SOX6: variants seen among roughly 807,000 people sequenced by gnomAD.
SOX6 encodes transcription factor SOX-6.
SOX6 carries 11 observed loss-of-function variants against 97.8 expected under a neutral mutation model. The ratio of observed to expected loss-of-function variants is 0.11; its 90% confidence interval spans 0.07 to 0.19. The LOEUF (loss-of-function observed/expected upper bound fraction) is 0.19. Ranked by LOEUF, SOX6 falls within the 10% of genes least tolerant of loss-of-function variation. The probability of loss-of-function intolerance (pLI) is 1.00; values close to 1 mark genes in which losing one functional copy is unlikely to be tolerated. For missense variants in SOX6, 810 were observed against 1,039.5 expected (o/e 0.78, Z 3.04); for synonymous variants, 360 against 371.4 (o/e 0.97, Z 0.35).
intron 6 of SOX6, among the ~76,000 whole-genome samples, chr11:16,163,263 T>C (rs1850801204): frequency 6.6e-6 from 1 of 152,174 alleles, no homozygotes. Context: ...TGGGTAGTGA[T>C]GTGAAATGAA....
intron 1 of SOX6, among the ~76,000 whole-genome samples, chr11:16,390,807 A>T (rs1206917693): frequency 6.6e-6 from 1 of 152,228 alleles, no homozygotes; most frequent in Admixed American, 6.5e-5. Flanking sequence ...ATCTAGAACC[A>T]GAAATACCAT....
chr11:16,561,146 C>A (rs537349655), intron 4 of SOX6, among the ~76,000 whole-genome samples: 1 of 151,732 alleles, frequency 6.6e-6, no homozygotes, highest in South Asian at 2.1e-4. Flanking sequence ...GAAGAAAGAA[C>A]GGCAGAAATA....
chr11:16,702,536 C>T (rs1848102623), intron 3 of SOX6, among the ~76,000 whole-genome samples: 1 of 152,124 alleles, frequency 6.6e-6, no homozygotes, highest in South Asian at 2.1e-4. Context: ...TAAATTTACT[C>T]TGTATGTTTT....
chr11:16,414,109 T>C (rs1858877780), intron 1 of SOX6, among the ~76,000 whole-genome samples: 1 of 152,214 alleles, frequency 6.6e-6, no homozygotes, highest in Admixed American at 6.5e-5. Flanking sequence ...CTAGAGATGA[T>C]ACAAAGAAAC....
intron 4 of SOX6, among the ~76,000 whole-genome samples, chr11:16,550,749 C>A (rs1421877887): frequency 6.6e-6 from 1 of 152,076 alleles, no homozygotes; most frequent in East Asian, 1.9e-4. Flanking sequence ...GGTTCTTACT[C>A]TATACATTAA....
At chr11:16,334,891 C>A (rs980540119) in intron 2 of SOX6, among the ~76,000 whole-genome samples, 1 of 151,860 alleles carries the variant, frequency 6.6e-6, no homozygotes, top group Non-Finnish European at 1.5e-5. Flanking sequence ...TACCAGTAAC[C>A]CTTTGTTTAA....
chr11:16,305,867 C>A (rs1363449064), intron 3 of SOX6, among the ~76,000 whole-genome samples: 1 of 151,556 alleles, frequency 6.6e-6, no homozygotes, highest in Non-Finnish European at 1.5e-5. Flanking sequence ...ATTTATATAA[C>A]ATCTTTAAGA....
intron 12 of SOX6, chr11:16,031,520 T>C (rs1346948775): frequency 1.3e-5 from 2 of 152,160 alleles, no homozygotes; most frequent in Non-Finnish European, 2.9e-5. Context: ...TCCTGTTAAC[T>C]GTGCTGCTAT....
intron 12 of SOX6, among the ~76,000 whole-genome samples, chr11:16,028,770 T>C (rs1174051388): frequency 1.3e-5 from 2 of 152,304 alleles, no homozygotes; most frequent in African/African-American, 2.4e-5. Flanking sequence ...ACAGAGCGGA[T>C]GGGTGCGAGT....
At chr11:16,538,881 C>A (rs1664295055) in intron 4 of SOX6, among the ~76,000 whole-genome samples, 1 of 152,108 alleles carries the variant, frequency 6.6e-6, no homozygotes, top group African/African-American at 2.4e-5. Flanking sequence ...TAATGGGAGA[C>A]TTTAACACCC....
intron 3 of SOX6, among the ~76,000 whole-genome samples, chr11:16,637,642 G>T (rs1327463272): frequency 6.6e-6 from 1 of 152,188 alleles, no homozygotes; most frequent in African/African-American, 2.4e-5. Context: ...TAAACAGAAT[G>T]CAATAGACAA....
chr11:16,077,024 A>G (rs1457893198), intron 9 of SOX6, among the ~76,000 whole-genome samples: 1 of 151,986 alleles, frequency 6.6e-6, no homozygotes, highest in Non-Finnish European at 1.5e-5. Context: ...AAGTGCTGGG[A>G]TTACAGGCGT....
chr11:16,059,448 G>GA (rs1316617600), intron 9 of SOX6, among the ~76,000 whole-genome samples: 7 of 151,850 alleles, frequency 4.6e-5, no homozygotes, highest in Admixed American at 1.3e-4. Context: ...GAGTAGGGGA[G>GA]AAAAAACAGG....
At chr11:16,192,243 T>C (rs1054067634) in intron 4 of SOX6, among the ~76,000 whole-genome samples, 1 of 152,230 alleles carries the variant, frequency 6.6e-6, no homozygotes, top group Non-Finnish European at 1.5e-5. Context: ...GTGAATAGCT[T>C]ATCTGTAAAA....
chr11:16,372,948 G>A (rs1857529934), intron 1 of SOX6, among the ~76,000 whole-genome samples: 1 of 152,048 alleles, frequency 6.6e-6, no homozygotes, highest in South Asian at 2.1e-4. Context: ...ACATTAGTTA[G>A]TGCGAACTAT....
intron 1 of SOX6, among the ~76,000 whole-genome samples, chr11:16,432,525 G>A (rs1859290966): frequency 6.6e-6 from 1 of 152,030 alleles, no homozygotes; most frequent in Non-Finnish European, 1.5e-5. Context: ...TGTATCCAAT[G>A]ATACAAATTG....
chr11:16,672,359 G>A (rs1393597621), intron 3 of SOX6, among the ~76,000 whole-genome samples: 1 of 152,148 alleles, frequency 6.6e-6, no homozygotes. Flanking sequence ...GTGGAAAGCT[G>A]GATAAAAACA....
At chr11:16,058,269 CTTT>C (rs894130494) in intron 9 of SOX6, among the ~76,000 whole-genome samples, 3 of 151,974 alleles carry the variant, frequency 2.0e-5, no homozygotes, top group Admixed American at 2.0e-4. Flanking sequence ...CTGATTGCTT[CTTT>C]TTATAGCATC....
In SOX6 at chr11:16,583,616, T is replaced by C. The variant is rs200063122; in HGVS notation, n.609+28465A>G. ...ATGTATATATGTGTATATATATACATATATATATATATATATATATACACA... is the reference window on the plus strand; with the variant it reads ...ATGTATATATGTGTATATATATACACATATATATATATATATATATACACA... On this transcript the variant is annotated intron_variant and non_coding_transcript_variant, in intron 4 of 5. Transcript: ENST00000524520. Among the ~76,000 whole-genome samples, 4 of 52,506 alleles carry C rather than the reference T, an allele frequency of 7.6e-5. No individual in the cohort carries two copies. In the East Asian group the frequency reaches 5.0e-3, roughly 65 times the overall value. 34.4% of individuals were successfully genotyped at this position (52,506 alleles called of 152,430 possible). A position where few individuals can be genotyped will look rare whatever the true frequency, so the allele number is the denominator to read the frequency against.
Sources: gnomAD v4.1 joint callset for allele counts (sites outside exome capture counted in the v4.1 genomes callset) on GRCh38, gnomAD v4.1.1 for gene constraint, MANE v1.5 for transcripts, NCBI Gene and HGNC (gene_info 2026-07-23, HGNC 2026-07-21) for gene names.